The following AGPAT5 variants were observed in gnomAD, a reference collection of about 807,000 sequenced individuals.
AGPAT5 encodes 1-acylglycerol-3-phosphate O-acyltransferase 5.
A neutral mutation model predicts 45.6 loss-of-function variants in AGPAT5; 46 were observed. The observed-to-expected ratio is 1.01, with a 90% CI of 0.80 to 1.29. The LOEUF is 1.29. Ranked by LOEUF, AGPAT5 falls within the 50% of genes most tolerant of loss-of-function variation. AGPAT5 has a pLI of 0.00. For missense variants in AGPAT5, 673 were observed against 450.7 expected (o/e 1.49, Z -4.47); for synonymous variants, 272 against 167.0 (o/e 1.63, Z -4.85).
chr8:6,738,818 C>T lies in AGPAT5; in HGVS notation c.496-2843C>T, dbSNP rs557942942. ...TTATATGTATCTTTTGAAGAACATA[C>T]TTTTAAGCTTAATTTATTGATTTTT... On this transcript the variant is annotated intron_variant, in intron 4 of 7. Coordinates refer to ENST00000285518, the MANE Select transcript of AGPAT5 (RefSeq NM_018361.5). 1.2e-3 allele frequency among the ~76,000 whole-genome samples: 176 copies of T among 151,948 alleles called. 1 individual carries two copies. The highest frequency in any genetic ancestry group is 4.0e-3 in the African/African-American group (165 of 41,354).
In AGPAT5 at chr8:6,759,972, C is replaced by T. The variant is rs920072529; in HGVS notation, c.*2584C>T. Among the ~76,000 whole-genome samples the T allele has an allele frequency of 6.6e-6, 1 of 152,156 alleles. No homozygotes were observed. Among genetic ancestry groups the T allele is most frequent in the Non-Finnish European group, 1.5e-5 (1 of 68,028 alleles). ...TTAACTAAGTTGGTGAATAAAAGTG[C>T]CGATCTGGCTAACTCTTACACCATA... is the stretch of plus-strand genomic sequence containing the variant. On this transcript the variant is annotated 3_prime_UTR_variant, in exon 8 of 8. Coordinates refer to ENST00000285518, the MANE Select transcript of AGPAT5 (RefSeq NM_018361.5).
At chr8:6,750,918 C>T (rs1162918480) in intron 6 of AGPAT5, among the ~76,000 whole-genome samples, 1 of 152,128 alleles carries the variant, frequency 6.6e-6, no homozygotes, top group Non-Finnish European at 1.5e-5. Context: ...ATTTAGCATT[C>T]CCGCTTTCTG....
chr8:6,757,172 A>G lies in AGPAT5; in HGVS notation c.879A>G (p.Ile293Met). 1 of 1,613,214 alleles carries G rather than the reference A, an allele frequency of 6.2e-7. No homozygotes were observed. The highest frequency in any genetic ancestry group is 8.5e-7 in the Non-Finnish European group (1 of 1,179,702). The change falls in exon 8 of 8, where the codon ATA (isoleucine) becomes ATG (methionine). Residue 293 changes from isoleucine (I) to methionine (M), a missense_variant. Physicochemically the swap from Ile to Met is conservative, Grantham distance 10 (BLOSUM62 1). Coordinates refer to ENST00000285518, the MANE Select transcript of AGPAT5 (RefSeq NM_018361.5). ...ERFEIKDKML[I>M]EFYESPDPER... The stretch of plus-strand genomic sequence containing the variant: ...TCCATTCTGGCCATAGGATGCTTAT[A>G]GAATTTTATGAGTCACCAGATCCAG...
chr8:6,758,069 A>G lies in AGPAT5; in HGVS notation c.*681A>G, dbSNP rs1489324370. The G allele has an allele frequency of 6.6e-6, 1 of 152,256 alleles. No homozygotes were observed. The highest frequency in any genetic ancestry group is 1.5e-5 in the Non-Finnish European group (1 of 68,046). 9.4% of individuals were successfully genotyped at this position (152,256 alleles called of 1,614,324 possible). ...GAAAATGGTATAAAATATGAGAACG[A>G]AGTTTAAAATTGTGACTCTGATTCA... On this transcript the variant is annotated 3_prime_UTR_variant, in exon 8 of 8. Transcript: ENST00000285518.
chr8:6,718,068 A>G (rs574341342), intron 1 of AGPAT5, among the ~76,000 whole-genome samples: 3 of 152,352 alleles, frequency 2.0e-5, no homozygotes, highest in East Asian at 1.9e-4. Flanking sequence ...TATTTTGAAG[A>G]CAAAATGAGA....
chr8:6,727,869 A>G (rs1173581039), intron 2 of AGPAT5, among the ~76,000 whole-genome samples: 1 of 152,170 alleles, frequency 6.6e-6, no homozygotes, highest in Non-Finnish European at 1.5e-5. Flanking sequence ...TCAGTGGGCA[A>G]ATTACTTATC....
intron 3 of AGPAT5, among the ~76,000 whole-genome samples, chr8:6,731,386 C>A (rs922432371): frequency 6.6e-6 from 1 of 152,118 alleles, no homozygotes; most frequent in Non-Finnish European, 1.5e-5. Context: ...TCAAGACCCT[C>A]ATATAGAATG....
intron 1 of AGPAT5, among the ~76,000 whole-genome samples, chr8:6,716,660 C>G (rs1007299393): frequency 7.9e-5 from 12 of 151,964 alleles, no homozygotes; most frequent in African/African-American, 2.9e-4. Context: ...ATGGAGAAAC[C>G]CCTTCTCTAC....
At chr8:6,735,791 G>A (rs1394480476) in intron 4 of AGPAT5, among the ~76,000 whole-genome samples, 1 of 140,876 alleles carries the variant, frequency 7.1e-6, no homozygotes, top group African/African-American at 2.6e-5. Context: ...TTGGAACAAT[G>A]TTAGATTTAC....
intron 1 of AGPAT5, among the ~76,000 whole-genome samples, chr8:6,720,806 C>T (rs933130999): frequency 4.6e-5 from 7 of 152,058 alleles, no homozygotes; most frequent in African/African-American, 1.7e-4. Context: ...TCTTGCAGTG[C>T]TGGAGTTGGA....
chr8:6,713,164 C>A (rs544555734), intron 1 of AGPAT5, among the ~76,000 whole-genome samples: 1 of 152,152 alleles, frequency 6.6e-6, no homozygotes. Context: ...GAAATGGGGT[C>A]TTTCTGTGTT....
At chr8:6,727,302 C>G (rs1045543721) in intron 2 of AGPAT5, among the ~76,000 whole-genome samples, 1 of 152,232 alleles carries the variant, frequency 6.6e-6, no homozygotes, top group African/African-American at 2.4e-5. Context: ...TCTCTGTTAG[C>G]TTATTTCTCT....
At position 6,741,691 on chromosome 8, in the gene AGPAT5, A is replaced by C. The variant is rs201487623; in HGVS notation, c.526A>C (p.Arg176=). Residue 176 remains arginine, a synonymous_variant, in exon 5 of 8, where the codon AGG becomes CGG. Coordinates refer to ENST00000285518, the MANE Select transcript of AGPAT5 (RefSeq NM_018361.5). ...TCTTGTGATTTTTCCAGAAGGTACA[A>C]GGTATAATCCAGAGCAAACAAAAGT... is the stretch of plus-strand genomic sequence containing the variant. ...MYLVIFPEGT[R]YNPEQTKVLS... 2.2e-5 allele frequency: 35 copies of C among 1,611,328 alleles called. No homozygotes were observed. Among genetic ancestry groups the C allele is most frequent in the Middle Eastern group, 1.7e-4 (1 of 6,052 alleles).
intron 1 of AGPAT5, among the ~76,000 whole-genome samples, chr8:6,709,934 C>T (rs1399276066): frequency 6.6e-6 from 1 of 152,122 alleles, no homozygotes; most frequent in Non-Finnish European, 1.5e-5. Context: ...TCATGGTTTC[C>T]TGGTAGTTGA....
chr8:6,735,346 C>A (rs1294072067), intron 4 of AGPAT5, among the ~76,000 whole-genome samples: 1 of 152,168 alleles, frequency 6.6e-6, no homozygotes, highest in Non-Finnish European at 1.5e-5. Context: ...ATCCAGTCTT[C>A]CCTGACCGCA....
intron 2 of AGPAT5, among the ~76,000 whole-genome samples, chr8:6,725,680 A>C (rs1800660656): frequency 6.6e-6 from 1 of 152,134 alleles, no homozygotes; most frequent in African/African-American, 2.4e-5. Context: ...AAAAAATCCC[A>C]CTTCTTATGT....
intron 2 of AGPAT5, among the ~76,000 whole-genome samples, chr8:6,725,767 A>G (rs1032736253): frequency 1.3e-5 from 2 of 152,218 alleles, no homozygotes; most frequent in Non-Finnish European, 2.9e-5. Flanking sequence ...AATACCTAGA[A>G]GCTCAAAGCT....
At chr8:6,754,814 C>G (rs1450591416) in intron 6 of AGPAT5, among the ~76,000 whole-genome samples, 1 of 152,130 alleles carries the variant, frequency 6.6e-6, no homozygotes, top group Non-Finnish European at 1.5e-5. Context: ...AACTTAATGA[C>G]TTATGTAATT....
intron 4 of AGPAT5, among the ~76,000 whole-genome samples, chr8:6,735,848 CCT>C (rs566942592): frequency 0.037 from 1,968 of 53,436 alleles, 243 homozygotes; most frequent in South Asian, 0.13. Flanking sequence ...CTTTATATAG[CCT>C]TTTTTTTTTT....
Sources: gnomAD v4.1 joint callset for allele counts (sites outside exome capture counted in the v4.1 genomes callset) on GRCh38, gnomAD v4.1.1 for gene constraint, MANE v1.5 for transcripts, NCBI Gene and HGNC (gene_info 2026-07-23, HGNC 2026-07-21) for gene names.